The following MFN1 variants were observed in gnomAD, a reference collection of about 807,000 sequenced individuals.
MFN1 encodes mitofusin 1.
In MFN1, 65 loss-of-function variants were observed where a neutral mutation model predicts 92.4. The observed-to-expected ratio is 0.70, with a 90% CI of 0.58 to 0.86. The LOEUF (loss-of-function observed/expected upper bound fraction) is 0.86, where lower values mean the gene tolerates loss of function less well. MFN1 is among the 40% of genes least tolerant of loss of function. The pLI, the probability that MFN1 is intolerant of heterozygous loss-of-function variation, is 0.00. For missense variants in MFN1, 781 were observed against 868.0 expected (o/e 0.90, Z 1.26); for synonymous variants, 297 against 300.9 (o/e 0.99, Z 0.13).
chr3:179,354,595 C>CAT (rs1712277871), intron 3 of MFN1, among the ~76,000 whole-genome samples: 1 of 152,100 alleles, frequency 6.6e-6, no homozygotes, highest in Non-Finnish European at 1.5e-5. Context: ...CGGATGGGTC[C>CAT]ATAAAGTGAA....
intron 4 of MFN1, among the ~76,000 whole-genome samples, chr3:179,360,402 A>G (rs773170883): frequency 5.2e-4 from 79 of 152,032 alleles, no homozygotes; most frequent in Non-Finnish European, 1.0e-3. Context: ...TCTGTTTTTG[A>G]TATGTATCTG....
At chr3:179,360,930 C>T (rs1712549576) in intron 4 of MFN1, among the ~76,000 whole-genome samples, 1 of 152,076 alleles carries the variant, frequency 6.6e-6, no homozygotes, top group Non-Finnish European at 1.5e-5. Context: ...TTGAGACCAG[C>T]CTGAGCAATA....
At chr3:179,368,238 A>AACT in intron 9 of MFN1, 135 bp downstream of exon 9, 1 of 475,834 alleles carries the variant, frequency 2.1e-6, no homozygotes, top group Non-Finnish European at 3.3e-6. Context: ...CACAGCCAGT[A>AACT]AAATGTGGAA....
At chr3:179,389,444 T>C (rs1713817021) in intron 16 of MFN1, among the ~76,000 whole-genome samples, 2 of 152,102 alleles carry the variant, frequency 1.3e-5, no homozygotes, top group Non-Finnish European at 2.9e-5. Context: ...AATTTCTCAG[T>C]TAAAATAAAC....
intron 6 of MFN1, 66 bp from the exon 7 acceptor site, chr3:179,365,052 A>C (rs957477200): frequency 3.3e-6 from 3 of 919,762 alleles, no homozygotes; most frequent in Non-Finnish European, 4.7e-6. Context: ...TTTCTCATTA[A>C]AATAAAATTT....
chr3:179,378,085 A>AT (rs1713314611), intron 12 of MFN1: 1 of 389,092 alleles, frequency 2.6e-6, no homozygotes, highest in African/African-American at 2.1e-5. Context: ...ATAGCCAAGC[A>AT]TGGCGACACG....
chr3:179,378,479 T>C (rs1713338537), intron 13 of MFN1, 36 bp downstream of exon 13: 2 of 1,553,828 alleles, frequency 1.3e-6, no homozygotes, highest in South Asian at 1.2e-5. Flanking sequence ...GTCTGGTTTG[T>C]TTTTTCATTC....
At chr3:179,359,419 CTTTT>C (rs769518082) in intron 4 of MFN1, among the ~76,000 whole-genome samples, 6 of 124,758 alleles carry the variant, frequency 4.8e-5, no homozygotes, top group Admixed American at 1.6e-4. Flanking sequence ...TGCACCCGGC[CTTTT>C]TTTTTTTTTT....
chr3:179,362,495 G>T lies in MFN1; in HGVS notation c.536+13G>T. On this transcript the variant is annotated intron_variant, in intron 5 of 17. Coordinates refer to ENST00000471841, the MANE Select transcript of MFN1 (RefSeq NM_033540.3). Reference sequence around the variant, plus strand: ...TGTTAGTAGACAGGTAAAATTACATGTGGATTGCATTTTCTCTGGAAGTTT... The same window carrying T: ...TGTTAGTAGACAGGTAAAATTACATTTGGATTGCATTTTCTCTGGAAGTTT... The T allele has an allele frequency of 6.2e-7, 1 of 1,609,680 alleles. No homozygotes were observed. The highest frequency in any genetic ancestry group is 1.1e-5 in the South Asian group (1 of 90,026).
At position 179,367,381 on chromosome 3, in the gene MFN1, G is replaced by A. The variant is rs572917202; in HGVS notation, c.754-58G>A. 463 of 1,471,648 alleles carry A rather than the reference G, an allele frequency of 3.1e-4. 1 individual carries two copies. The African/African-American group carries it at 5.6e-3, about 18-fold the overall frequency. The allele number at this position is 1,471,648 out of a possible 1,614,324, so 91.2% of individuals were successfully genotyped here. On this transcript the variant is annotated intron_variant, in intron 7 of 17. Coordinates refer to ENST00000471841, the MANE Select transcript of MFN1 (RefSeq NM_033540.3). Reference sequence around the variant, plus strand: ...ATAAAGTAAGTATTGGTCTATAGTCGTTGGTTATTATATTTGTTTAAATTA... The same window carrying A: ...ATAAAGTAAGTATTGGTCTATAGTCATTGGTTATTATATTTGTTTAAATTA...
intron 7 of MFN1, 78 bp from the exon 8 acceptor site, chr3:179,367,356 ATAAAG>A (rs1712833980): frequency 8.6e-7 from 1 of 1,164,694 alleles, no homozygotes; most frequent in South Asian, 1.9e-5. Flanking sequence ...ATCACTGTGA[ATAAAG>A]TAAGTATTGG....
At chr3:179,359,595 A>AC (rs1262133877) in intron 4 of MFN1, 2 of 72,430 alleles carry the variant, frequency 2.8e-5, no homozygotes, top group Non-Finnish European at 5.0e-5. Context: ...TAATTTTCGT[A>AC]CTTTTTTTTT....
At chr3:179,384,940 CTGT>C (rs1713616868) in intron 14 of MFN1, among the ~76,000 whole-genome samples, 1 of 112,402 alleles carries the variant, frequency 8.9e-6, no homozygotes, top group South Asian at 3.1e-4. Flanking sequence ...GAGTTTCACT[CTGT>C]TGTCCAGACT....
intron 9 of MFN1, among the ~76,000 whole-genome samples, 191 bp from the exon 10 acceptor site, chr3:179,375,029 A>G (rs1713184155): frequency 6.6e-6 from 1 of 152,244 alleles, no homozygotes; most frequent in Non-Finnish European, 1.5e-5. Context: ...TTGCTGCTAA[A>G]GCCCTTTTTA....
At chr3:179,360,077 G>A (rs1171927879) in intron 4 of MFN1, among the ~76,000 whole-genome samples, 2 of 151,774 alleles carry the variant, frequency 1.3e-5, no homozygotes, top group Non-Finnish European at 2.9e-5. Context: ...CACCACACCT[G>A]CCTAATTTTT....
rs530003561 is a variant in MFN1, at chr3:179,392,322, T to G, written c.*263T>G. 38 of 276,522 alleles carry G rather than the reference T, an allele frequency of 1.4e-4. No homozygotes were observed. Among genetic ancestry groups the G allele is most frequent in the African/African-American group, 8.3e-4 (38 of 45,832 alleles). The allele number at this position is 276,522 out of a possible 1,614,324, so 17.1% of individuals were successfully genotyped here. On this transcript the variant is annotated 3_prime_UTR_variant, in exon 18 of 18. Coordinates refer to ENST00000471841, the MANE Select transcript of MFN1 (RefSeq NM_033540.3). Reference sequence around the variant, plus strand: ...CAACAGTACCAACTTATGTGACCCCTGAGGGGTGGGGCTGTGAGCTCTTAA... The same window carrying G: ...CAACAGTACCAACTTATGTGACCCCGGAGGGGTGGGGCTGTGAGCTCTTAA...
chr3:179,394,366 TAATG>T lies in MFN1; in HGVS notation c.*2312_*2315del, dbSNP rs1714012879. The T allele has an allele frequency of 6.6e-6, 1 of 150,594 alleles. No individual in the cohort carries two copies. Among genetic ancestry groups the T allele is most frequent in the Non-Finnish European group, 1.5e-5 (1 of 67,728 alleles). 9.3% of individuals were successfully genotyped at this position (150,594 alleles called of 1,614,324 possible). ...AGTTGTCTGATCAATTGTGAAAACA[TAATG>T]AATGTTGGAAATGGAACAGTAAAAT... On this transcript the variant is annotated 3_prime_UTR_variant, in exon 18 of 18. Transcript: ENST00000471841.
At chr3:179,382,246 G>A (rs924184166) in intron 14 of MFN1, among the ~76,000 whole-genome samples, 3 of 152,020 alleles carry the variant, frequency 2.0e-5, no homozygotes, top group South Asian at 2.1e-4. Flanking sequence ...AACAGGCCCC[G>A]GGGTGTGATG....
intron 6 of MFN1, among the ~76,000 whole-genome samples, chr3:179,364,877 G>C (rs940904602): frequency 1.5e-4 from 23 of 152,302 alleles, no homozygotes; most frequent in African/African-American, 5.3e-4. Context: ...TCTGGAGCCA[G>C]ACTCATCTGA....
Sources: gnomAD v4.1 joint callset for allele counts (sites outside exome capture counted in the v4.1 genomes callset) on GRCh38, gnomAD v4.1.1 for gene constraint, MANE v1.5 for transcripts, NCBI Gene and HGNC (gene_info 2026-07-23, HGNC 2026-07-21) for gene names.